Variants in KCNQ5 observed in about 807,000 individuals in gnomAD.
The protein encoded by KCNQ5 is potassium voltage-gated channel subfamily KQT member 5.
A neutral mutation model predicts 98.2 loss-of-function variants in KCNQ5; 30 were observed. The ratio of observed to expected loss-of-function variants is 0.31; its 90% confidence interval spans 0.23 to 0.41. The LOEUF (loss-of-function observed/expected upper bound fraction) is 0.41. Among genes scored for constraint, KCNQ5 ranks in the 10% least tolerant of loss-of-function variants. The pLI is 1.00. For synonymous variants in KCNQ5, 458 were observed against 449.4 expected, an observed-to-expected ratio of 1.02 and a Z score of -0.24; for missense variants, 835 against 1,182.5, an observed-to-expected ratio of 0.71 and a Z score of 4.31.
intron 1 of KCNQ5, among the ~76,000 whole-genome samples, chr6:72,679,480 A>G (rs1436958259): frequency 6.6e-6 from 1 of 150,376 alleles, no homozygotes; most frequent in Non-Finnish European, 1.5e-5. Flanking sequence ...AGAACAAAAA[A>G]CCAAACACCG....
At chr6:72,646,669 G>T (rs1413971196) in intron 1 of KCNQ5, among the ~76,000 whole-genome samples, 1 of 152,146 alleles carries the variant, frequency 6.6e-6, no homozygotes, top group Non-Finnish European at 1.5e-5. Context: ...GAGTTTAAGG[G>T]TGCCTTCTGG....
chr6:72,736,320 G>A (rs1046966737), intron 1 of KCNQ5, among the ~76,000 whole-genome samples: 1 of 151,944 alleles, frequency 6.6e-6, no homozygotes, highest in Non-Finnish European at 1.5e-5. Context: ...CTCAATGTCC[G>A]ATAATAAGGG....
At chr6:72,716,984 A>G (rs765192735) in intron 1 of KCNQ5, among the ~76,000 whole-genome samples, 14 of 152,304 alleles carry the variant, frequency 9.2e-5, no homozygotes, top group Middle Eastern at 6.8e-3. Flanking sequence ...CAGAGCTTCT[A>G]TGGAGTTTGC....
At chr6:73,071,392 C>T (rs776404541) in intron 3 of KCNQ5, among the ~76,000 whole-genome samples, 5 of 152,044 alleles carry the variant, frequency 3.3e-5, no homozygotes, top group African/African-American at 7.2e-5. Context: ...CAGGACTATT[C>T]GTTTCAGCAT....
At chr6:72,956,072 A>G (rs1229947280) in intron 1 of KCNQ5, among the ~76,000 whole-genome samples, 1 of 152,264 alleles carries the variant, frequency 6.6e-6, no homozygotes, top group Non-Finnish European at 1.5e-5. Flanking sequence ...AGGTAAGAAA[A>G]GGGAATGAAA....
At chr6:73,077,211 C>A in intron 3 of KCNQ5, 111 bp from the exon 4 acceptor site, 1 of 1,039,220 alleles carries the variant, frequency 9.6e-7, no homozygotes, top group Non-Finnish European at 1.4e-6. Flanking sequence ...GAATCAAGAT[C>A]TGTTTATCTG....
In KCNQ5 at chr6:72,655,038, T is replaced by G. The variant is rs866389093; in HGVS notation, c.398+32451T>G. On this transcript the variant is annotated intron_variant, in intron 1 of 13. Coordinates refer to ENST00000370398, the MANE Select transcript of KCNQ5 (RefSeq NM_019842.4). ...CCAAGGTCTGTCTGTCTTTCTTTCTTTCTTTCTTTCTTTCTTTCTTTCTTT... is the reference window on the plus strand; with the variant it reads ...CCAAGGTCTGTCTGTCTTTCTTTCTGTCTTTCTTTCTTTCTTTCTTTCTTT... 3.8e-3 allele frequency among the ~76,000 whole-genome samples: 484 copies of G among 126,072 alleles called. 3 individuals are homozygous for G. The highest frequency in any genetic ancestry group is 5.4e-3 in the Non-Finnish European group (315 of 58,144). The allele number at this position is 126,072 out of a possible 152,430, so 82.7% of individuals were successfully genotyped here.
chr6:73,013,440 T>A (rs1202512516), intron 2 of KCNQ5, among the ~76,000 whole-genome samples: 1 of 152,164 alleles, frequency 6.6e-6, no homozygotes. Flanking sequence ...TGTATGAAAC[T>A]GTGTGTCCAC....
At chr6:73,126,741 A>G (rs1301966318) in intron 9 of KCNQ5, among the ~76,000 whole-genome samples, 1 of 152,178 alleles carries the variant, frequency 6.6e-6, no homozygotes, top group African/African-American at 2.4e-5. Flanking sequence ...GTCCTGCACT[A>G]TTACTTAGCC....
intron 9 of KCNQ5, among the ~76,000 whole-genome samples, chr6:73,125,094 G>T: frequency 6.9e-6 from 1 of 145,056 alleles, no homozygotes; most frequent in African/African-American, 2.5e-5. Flanking sequence ...CCACCTCTCT[G>T]TGACATCTCC....
chr6:73,055,902 C>T (rs1772467192), intron 3 of KCNQ5: 1 of 554,204 alleles, frequency 1.8e-6, no homozygotes, highest in Non-Finnish European at 3.5e-6. Context: ...ATCCATCTGT[C>T]CCTCCCTCCT....
chr6:72,958,300 G>C (rs527861190), intron 1 of KCNQ5, among the ~76,000 whole-genome samples: 76 of 152,294 alleles, frequency 5.0e-4, no homozygotes, highest in Non-Finnish European at 8.7e-4. Context: ...ATTTGATAGG[G>C]ATTGTTTCAC....
At chr6:72,834,404 C>A (rs1776417343) in intron 1 of KCNQ5, among the ~76,000 whole-genome samples, 1 of 152,070 alleles carries the variant, frequency 6.6e-6, no homozygotes, top group Admixed American at 6.6e-5. Flanking sequence ...TCATCTGACT[C>A]TGAAATATGT....
chr6:72,832,320 T>C (rs1776313221), intron 1 of KCNQ5, among the ~76,000 whole-genome samples: 2 of 152,168 alleles, frequency 1.3e-5, no homozygotes, highest in South Asian at 4.1e-4. Flanking sequence ...ATTTTAATGA[T>C]GAGCCCTAGC....
chr6:72,731,907 G>A (rs1275045151), intron 1 of KCNQ5, among the ~76,000 whole-genome samples: 1 of 152,158 alleles, frequency 6.6e-6, no homozygotes, highest in African/African-American at 2.4e-5. Flanking sequence ...ATAGGAAAGT[G>A]AATAAAATGA....
intron 1 of KCNQ5, among the ~76,000 whole-genome samples, chr6:72,693,098 T>C (rs1462853261): frequency 3.3e-5 from 5 of 152,168 alleles, no homozygotes; most frequent in African/African-American, 9.7e-5. Flanking sequence ...GAAGTATAGA[T>C]TTATGTGTTA....
chr6:73,144,704 G>A (rs899569741), intron 10 of KCNQ5, among the ~76,000 whole-genome samples: 4 of 152,196 alleles, frequency 2.6e-5, no homozygotes, highest in Admixed American at 2.6e-4. Context: ...TAAGTGAACT[G>A]ACTCATGCTC....
intron 5 of KCNQ5, among the ~76,000 whole-genome samples, chr6:73,081,260 C>T (rs1026537422): frequency 4.6e-5 from 7 of 152,144 alleles, no homozygotes; most frequent in Non-Finnish European, 1.0e-4. Flanking sequence ...AGGGAAGTAG[C>T]TCTAGTAGCT....
chr6:73,144,325 T>C (rs1776836373), intron 10 of KCNQ5, among the ~76,000 whole-genome samples: 1 of 152,192 alleles, frequency 6.6e-6, no homozygotes, highest in Non-Finnish European at 1.5e-5. Flanking sequence ...GTATAATGCA[T>C]AACAACAATT....
Sources: allele counts gnomAD v4.1 joint callset (sites outside exome capture counted in the v4.1 genomes callset), GRCh38; gene constraint gnomAD v4.1.1; transcripts MANE v1.5; gene names NCBI Gene and HGNC (gene_info 2026-07-23, HGNC 2026-07-21).